Variants in NXPH1 observed in about 807,000 individuals in gnomAD.
NXPH1 encodes neurexophilin 1.
Under a neutral mutation model 23.7 loss-of-function variants are expected in NXPH1, and 5 were observed. The ratio of observed to expected loss-of-function variants is 0.21; its 90% confidence interval spans 0.11 to 0.44. The LOEUF is 0.44. Among genes scored for constraint, NXPH1 ranks in the 20% least tolerant of loss-of-function variants. The pLI is 0.99. For synonymous variants in NXPH1, 144 were observed against 122.2 expected, an observed-to-expected ratio of 1.18 and a Z score of -1.18; for missense variants, 324 against 321.6, an observed-to-expected ratio of 1.01 and a Z score of -0.06.
At chr7:8,640,573 T>G (rs1026038694) in intron 2 of NXPH1, among the ~76,000 whole-genome samples, 4 of 152,270 alleles carry the variant, frequency 2.6e-5, no homozygotes, top group Admixed American at 6.5e-5. Flanking sequence ...TGTTTTAATA[T>G]ATAGAAAGTG....
chr7:8,626,674 T>C (rs1205399218), intron 2 of NXPH1, among the ~76,000 whole-genome samples: 12 of 152,150 alleles, frequency 7.9e-5, no homozygotes. Context: ...ACATTCAACA[T>C]GTTGCATATG....
intron 2 of NXPH1, among the ~76,000 whole-genome samples, chr7:8,702,261 G>C (rs185620081): frequency 2.6e-5 from 4 of 152,106 alleles, no homozygotes; most frequent in African/African-American, 9.6e-5. Context: ...AATTATCCTA[G>C]CTGGATCATT....
intron 2 of NXPH1, among the ~76,000 whole-genome samples, chr7:8,644,548 G>T (rs1280319088): frequency 6.6e-6 from 1 of 151,870 alleles, no homozygotes; most frequent in Non-Finnish European, 1.5e-5. Context: ...GATGACTGCA[G>T]TTATTGTTGA....
intron 2 of NXPH1, among the ~76,000 whole-genome samples, chr7:8,536,166 T>G (rs548335171): frequency 6.6e-5 from 10 of 152,212 alleles, no homozygotes; most frequent in African/African-American, 9.6e-5. Flanking sequence ...CTTTGCATTT[T>G]CTTTCTTCTA....
chr7:8,516,347 T>C (rs112674803), intron 2 of NXPH1, among the ~76,000 whole-genome samples: 29 of 152,250 alleles, frequency 1.9e-4, no homozygotes, highest in African/African-American at 6.7e-4. Flanking sequence ...CTTAAGGCAA[T>C]AGAATCATCA....
intron 2 of NXPH1, among the ~76,000 whole-genome samples, chr7:8,697,156 T>TC (rs1779541396): frequency 1.7e-5 from 1 of 57,572 alleles, no homozygotes; most frequent in Non-Finnish European, 3.2e-5. Flanking sequence ...AGATTCTGTT[T>TC]CAAAAAAAAA....
chr7:8,731,895 T>C (rs557846953), intron 2 of NXPH1, among the ~76,000 whole-genome samples: 2 of 152,342 alleles, frequency 1.3e-5, no homozygotes, highest in South Asian at 4.1e-4. Context: ...GGCTGCTTTG[T>C]TTACCTAAGC....
At chr7:8,491,697 G>T (rs1817250942) in intron 2 of NXPH1, among the ~76,000 whole-genome samples, 1 of 151,988 alleles carries the variant, frequency 6.6e-6, no homozygotes, top group Non-Finnish European at 1.5e-5. Flanking sequence ...TACCACCACG[G>T]ACTGTTAGAT....
intron 2 of NXPH1, among the ~76,000 whole-genome samples, chr7:8,633,064 G>A (rs887266916): frequency 1.3e-5 from 2 of 152,198 alleles, no homozygotes; most frequent in African/African-American, 4.8e-5. Flanking sequence ...ATGCATCCAT[G>A]TGCTTCTACA....
At chr7:8,639,715 G>A (rs1820276349) in intron 2 of NXPH1, among the ~76,000 whole-genome samples, 1 of 152,128 alleles carries the variant, frequency 6.6e-6, no homozygotes. Flanking sequence ...TGAATCATGG[G>A]GGTCCATCTT....
chr7:8,461,271 C>A (rs989683253), intron 2 of NXPH1, among the ~76,000 whole-genome samples: 1 of 152,154 alleles, frequency 6.6e-6, no homozygotes, highest in African/African-American at 2.4e-5. Context: ...GGCACAAATC[C>A]CTTTCTCATT....
At chr7:8,439,173 C>A (rs573144893) in intron 2 of NXPH1, among the ~76,000 whole-genome samples, 4 of 152,232 alleles carry the variant, frequency 2.6e-5, no homozygotes, top group South Asian at 4.2e-4. Flanking sequence ...TGGACCAATT[C>A]CAGGATATTT....
In NXPH1 at chr7:8,751,363, T is replaced by C. The variant is rs1780562243; in HGVS notation, c.410T>C (p.Ile137Thr). 2.5e-6 allele frequency: 4 copies of C among 1,613,812 alleles called. No individual in the cohort carries two copies. Among genetic ancestry groups the C allele is most frequent in the Non-Finnish European group, 3.4e-6 (4 of 1,179,868 alleles). The change falls in exon 3 of 3, where the codon ATA becomes ACA. Residue 137 changes from isoleucine to threonine, a missense_variant. Transcript: ENST00000405863. The surrounding 1 kb of genome is among the most constrained non-coding windows in gnomAD (Gnocchi z 4.5). ...NIKTVKLNLL[I>T]TGKIVDHGNG... The stretch of plus-strand genomic sequence containing the variant: ...AAAACAGTGAAGCTGAACCTGTTGA[T>C]AACTGGGAAAATTGTAGATCATGGC...
intron 2 of NXPH1, among the ~76,000 whole-genome samples, chr7:8,618,190 C>G (rs572146401): frequency 6.6e-6 from 1 of 152,210 alleles, no homozygotes; most frequent in East Asian, 1.9e-4. Context: ...AGAATGGATA[C>G]TCATGTTTGT....
chr7:8,530,938 T>C (rs1331394416), intron 2 of NXPH1, among the ~76,000 whole-genome samples: 1 of 152,206 alleles, frequency 6.6e-6, no homozygotes, highest in Admixed American at 6.5e-5. Context: ...GGTATATTTA[T>C]TCTGGGATGT....
At chr7:8,616,035 A>G (rs1001972276) in intron 2 of NXPH1, among the ~76,000 whole-genome samples, 1 of 152,062 alleles carries the variant, frequency 6.6e-6, no homozygotes, top group African/African-American at 2.4e-5. Flanking sequence ...GATAGATTAT[A>G]TTAGATCTCT....
intron 2 of NXPH1, among the ~76,000 whole-genome samples, chr7:8,725,883 C>G (rs1442462610): frequency 6.6e-6 from 1 of 152,098 alleles, no homozygotes; most frequent in Non-Finnish European, 1.5e-5. Context: ...GCACAATACT[C>G]TGATCAGAAA....
intron 2 of NXPH1, among the ~76,000 whole-genome samples, chr7:8,620,196 A>G (rs1349395343): frequency 6.6e-6 from 1 of 152,188 alleles, no homozygotes; most frequent in Non-Finnish European, 1.5e-5. Context: ...TATAATGGAA[A>G]AAGACCTGAT....
chr7:8,559,041 A>G (rs1818401862), intron 2 of NXPH1, among the ~76,000 whole-genome samples: 1 of 151,568 alleles, frequency 6.6e-6, no homozygotes, highest in African/African-American at 2.4e-5. Flanking sequence ...ATCATAGCTT[A>G]CTATAACCTT....
Sources: gnomAD v4.1 joint callset for allele counts (sites outside exome capture counted in the v4.1 genomes callset) on GRCh38, gnomAD v4.1.1 for gene constraint, Gnocchi (gnomAD v3.1) non-coding constraint, MANE v1.5 for transcripts, NCBI Gene and HGNC (gene_info 2026-07-23, HGNC 2026-07-21) for gene names.